The following HS3ST4 variants were observed in gnomAD, a reference collection of about 807,000 sequenced individuals.
HS3ST4 encodes heparan sulfate glucosamine 3-O-sulfotransferase 4.
A neutral mutation model predicts 29.2 loss-of-function variants in HS3ST4; 17 were observed. That is an observed-to-expected ratio of 0.58 (90% CI 0.40 to 0.87). The LOEUF (loss-of-function observed/expected upper bound fraction) is 0.87, where lower values mean the gene tolerates loss of function less well. Among genes scored for constraint, HS3ST4 ranks in the 40% least tolerant of loss-of-function variants. The probability of loss-of-function intolerance (pLI) is 0.00; values close to 1 mark genes in which losing one functional copy is unlikely to be tolerated. For missense variants in HS3ST4, 627 were observed against 634.5 expected (o/e 0.99, Z 0.13); for synonymous variants, 314 against 285.7 (o/e 1.10, Z -1.00).
chr16:25,904,091 GATGA>G (rs1403189253), intron 1 of HS3ST4, among the ~76,000 whole-genome samples: 3 of 151,284 alleles, frequency 2.0e-5, no homozygotes, highest in Admixed American at 6.6e-5. Flanking sequence ...TGGATGCATG[GATGA>G]ATGAATGGAT....
intron 1 of HS3ST4, among the ~76,000 whole-genome samples, chr16:26,095,159 T>A (rs1207307094): frequency 1.3e-5 from 2 of 152,094 alleles, no homozygotes; most frequent in Non-Finnish European, 2.9e-5. Context: ...TCCCACACAA[T>A]AATAATGGGA....
chr16:25,738,626 A>C (rs1227815691), intron 1 of HS3ST4, among the ~76,000 whole-genome samples: 1 of 152,184 alleles, frequency 6.6e-6, no homozygotes, highest in Admixed American at 6.5e-5. Context: ...ACTTCAAGTG[A>C]CAGTAGCATC....
At chr16:25,994,652 G>A (rs1969143729) in intron 1 of HS3ST4, among the ~76,000 whole-genome samples, 1 of 151,926 alleles carries the variant, frequency 6.6e-6, no homozygotes. Flanking sequence ...GTTAATAAAG[G>A]CACAGAAAAT....
Position 25,873,434 on chromosome 16 carries a change from CCATCCATCCAT to C in HS3ST4, c.734+180285_734+180295del, listed in dbSNP as rs1317914395. Among the ~76,000 whole-genome samples, 494 of 151,498 alleles carry C rather than the reference CCATCCATCCAT, an allele frequency of 3.3e-3. 5 individuals carry two copies. Among genetic ancestry groups the C allele is most frequent in the African/African-American group, 0.011 (457 of 41,212 alleles). On this transcript the variant is annotated intron_variant, in intron 1 of 1. Coordinates refer to ENST00000331351, the MANE Select transcript of HS3ST4 (RefSeq NM_006040.3). ...TCCATCCACCCATCCATCCATTAATCCATCCATCCATCCACCCATCCATTTACCCACCCATC... is the reference window on the plus strand; with the variant it reads ...TCCATCCACCCATCCATCCATTAATCCCACCCATCCATTTACCCACCCATC...
At chr16:25,721,806 A>G (rs1322662919) in intron 1 of HS3ST4, among the ~76,000 whole-genome samples, 2 of 152,232 alleles carry the variant, frequency 1.3e-5, no homozygotes, top group East Asian at 3.8e-4. Flanking sequence ...TTTCCATTTT[A>G]TAGTTTCTGC....
intron 1 of HS3ST4, among the ~76,000 whole-genome samples, chr16:26,027,880 C>G (rs1193074029): frequency 1.3e-5 from 2 of 152,272 alleles, no homozygotes; most frequent in Non-Finnish European, 2.9e-5. Context: ...GGTCTTAACC[C>G]TTTGCAAAAC....
At chr16:25,787,375 A>G (rs1453459764) in intron 1 of HS3ST4, among the ~76,000 whole-genome samples, 2 of 152,250 alleles carry the variant, frequency 1.3e-5, no homozygotes, top group Non-Finnish European at 2.9e-5. Context: ...GTGTTTGACC[A>G]GCATGGGGAT....
intron 1 of HS3ST4, among the ~76,000 whole-genome samples, chr16:25,738,213 A>C (rs1288872342): frequency 6.6e-6 from 1 of 152,118 alleles, no homozygotes; most frequent in Non-Finnish European, 1.5e-5. Flanking sequence ...CGATACCTGT[A>C]GCTTCTATGC....
intron 1 of HS3ST4, among the ~76,000 whole-genome samples, chr16:25,967,155 T>C (rs770490833): frequency 6.6e-6 from 1 of 152,176 alleles, no homozygotes; most frequent in Non-Finnish European, 1.5e-5. Context: ...TAATTCTTTG[T>C]TTTTTGTTTT....
chr16:25,982,205 C>T (rs774129102), intron 1 of HS3ST4, among the ~76,000 whole-genome samples: 6 of 152,264 alleles, frequency 3.9e-5, no homozygotes, highest in Middle Eastern at 3.4e-3. Context: ...GCGAGAGAGA[C>T]GAACTGCTGG....
chr16:26,115,759 G>C (rs1421966940), intron 1 of HS3ST4, among the ~76,000 whole-genome samples: 1 of 151,968 alleles, frequency 6.6e-6, no homozygotes, highest in Admixed American at 6.6e-5. Context: ...TATAGACTTG[G>C]CAGAGTAAGT....
intron 1 of HS3ST4, among the ~76,000 whole-genome samples, chr16:25,959,494 G>A (rs1968772696): frequency 6.6e-6 from 1 of 152,170 alleles, no homozygotes; most frequent in African/African-American, 2.4e-5. Context: ...TTACAAAGAA[G>A]TCACTGAGCC....
At chr16:26,069,952 A>T (rs1229203422) in intron 1 of HS3ST4, among the ~76,000 whole-genome samples, 2 of 152,004 alleles carry the variant, frequency 1.3e-5, no homozygotes, top group African/African-American at 4.8e-5. Context: ...AATCCAGGCT[A>T]TCATTGTTGG....
chr16:26,033,218 A>G (rs1969549069), intron 1 of HS3ST4, among the ~76,000 whole-genome samples: 1 of 152,020 alleles, frequency 6.6e-6, no homozygotes, highest in South Asian at 2.1e-4. Flanking sequence ...CATTTCTAAC[A>G]AAATGTATAT....
Position 25,692,314 on chromosome 16 carries a change from G to A in HS3ST4, c.-104G>A. 3.4e-5 allele frequency: 5 copies of A among 149,012 alleles called. No homozygotes were observed. Among genetic ancestry groups the A allele is most frequent in the Non-Finnish European group, 6.8e-5 (5 of 74,016 alleles). The allele number at this position is 149,012 out of a possible 1,614,324, so 9.2% of individuals were successfully genotyped here. A position where few individuals can be genotyped will look rare whatever the true frequency, so the allele number is the denominator to read the frequency against. ...GCCGGGGCGGCTGGGCAGCGGCGGCGGCGGCGGCGGCGGCGGCGGCGGCGG... is the reference window on the plus strand; with the variant it reads ...GCCGGGGCGGCTGGGCAGCGGCGGCAGCGGCGGCGGCGGCGGCGGCGGCGG... On this transcript the variant is annotated 5_prime_UTR_variant, in exon 1 of 2. Transcript: ENST00000331351.
At chr16:26,049,941 C>T (rs1477536235) in intron 1 of HS3ST4, among the ~76,000 whole-genome samples, 18 of 152,282 alleles carry the variant, frequency 1.2e-4, no homozygotes, top group Admixed American at 1.2e-3. Context: ...CCGTGCCCTC[C>T]CTGGGTGCAC....
chr16:25,810,286 T>C (rs1236492188), intron 1 of HS3ST4, among the ~76,000 whole-genome samples: 1 of 152,196 alleles, frequency 6.6e-6, no homozygotes, highest in East Asian at 1.9e-4. Flanking sequence ...CTTTCTGCTA[T>C]TGATTTTTAG....
At chr16:25,821,981 A>G (rs1967161954) in intron 1 of HS3ST4, among the ~76,000 whole-genome samples, 1 of 152,186 alleles carries the variant, frequency 6.6e-6, no homozygotes, top group Non-Finnish European at 1.5e-5. Context: ...TTAATGAATC[A>G]GATGTCTCAT....
At chr16:25,729,047 C>T (rs1966554699) in intron 1 of HS3ST4, among the ~76,000 whole-genome samples, 1 of 151,804 alleles carries the variant, frequency 6.6e-6, no homozygotes, top group South Asian at 2.1e-4. Flanking sequence ...TGCACCACTG[C>T]ACTCCAGCCT....
Sources: allele counts gnomAD v4.1 joint callset (sites outside exome capture counted in the v4.1 genomes callset), GRCh38; gene constraint gnomAD v4.1.1; transcripts MANE v1.5; gene names NCBI Gene and HGNC (gene_info 2026-07-23, HGNC 2026-07-21).